THSD7B: variants seen among roughly 807,000 people sequenced by gnomAD.
THSD7B encodes thrombospondin type-1 domain-containing protein 7B.
THSD7B carries 138 observed loss-of-function variants against 213.6 expected under a neutral mutation model. The observed-to-expected ratio is 0.65, with a 90% confidence interval of 0.56 to 0.74. The LOEUF (loss-of-function observed/expected upper bound fraction) is 0.74, where lower values mean the gene tolerates loss of function less well. THSD7B is among the 30% of genes least tolerant of loss of function. THSD7B has a pLI of 0.00. For missense variants in THSD7B, 1,931 were observed against 1,991.5 expected, an observed-to-expected ratio of 0.97 and a Z score of 0.58; for synonymous variants, 742 against 687.0, an observed-to-expected ratio of 1.08 and a Z score of -1.25.
At chr2:137,163,618 A>G (rs1359693728) in intron 6 of THSD7B, among the ~76,000 whole-genome samples, 1 of 152,220 alleles carries the variant, frequency 6.6e-6, no homozygotes, top group Admixed American at 6.5e-5. Flanking sequence ...CAGAGGGAGC[A>G]TGTGGAGCAT....
intron 10 of THSD7B, among the ~76,000 whole-genome samples, chr2:137,262,666 CT>C (rs1682480006): frequency 6.6e-6 from 1 of 152,028 alleles, no homozygotes. Flanking sequence ...GCTAGTGTTC[CT>C]TTGTTTTCTA....
At chr2:137,406,140 T>A (rs1686511896) in intron 13 of THSD7B, among the ~76,000 whole-genome samples, 1 of 152,236 alleles carries the variant, frequency 6.6e-6, no homozygotes, top group Non-Finnish European at 1.5e-5. Context: ...CATGCCAGGA[T>A]CTCAGTGAGC....
At position 137,605,648 on chromosome 2, in the gene THSD7B, CTTTTTTTTTTTTTTTTTTT is replaced by C. The variant is rs34604281; in HGVS notation, c.3424-10506_3424-10488del. ...AAAAAGCATATATTGGCACTTCGCA[CTTTTTTTTTTTTTTTTTTT>C]TTTTTTTTTTTTTTTTTTTTGAGAC... On this transcript the variant is annotated intron_variant, in intron 17 of 27. Transcript: ENST00000409968. Among the ~76,000 whole-genome samples the C allele has an allele frequency of 4.8e-3, 329 of 69,010 alleles. 3 individuals carry two copies. Among genetic ancestry groups the C allele is most frequent in the African/African-American group, 0.014 (251 of 17,588 alleles). 45.3% of individuals were successfully genotyped at this position (69,010 alleles called of 152,430 possible).
chr2:137,458,579 TTGCTCAAATTTA>T (rs1687817406), intron 15 of THSD7B, among the ~76,000 whole-genome samples: 2 of 152,194 alleles, frequency 1.3e-5, no homozygotes, highest in African/African-American at 4.8e-5. Context: ...AGCGGAAAGC[TTGCTCAAATTTA>T]ATTTGTTTTC....
At chr2:137,160,466 G>A in intron 6 of THSD7B, 98 bp downstream of exon 6, 1 of 1,456,778 alleles carries the variant, frequency 6.9e-7, no homozygotes, top group Non-Finnish European at 9.2e-7. Context: ...GACAATATTT[G>A]TTTGTAAAAT....
intron 2 of THSD7B, among the ~76,000 whole-genome samples, chr2:137,004,955 T>C (rs1043512254): frequency 1.3e-5 from 2 of 152,220 alleles, no homozygotes; most frequent in African/African-American, 4.8e-5. Context: ...GAATATCATA[T>C]AAAGATATCA....
At chr2:136,873,808 A>T (rs1683483013) in intron 1 of THSD7B, among the ~76,000 whole-genome samples, 1 of 152,332 alleles carries the variant, frequency 6.6e-6, no homozygotes. Context: ...CCTAAGGGTT[A>T]TCAATGACTG....
chr2:137,112,896 GTAT>G (rs1688374426), intron 4 of THSD7B, among the ~76,000 whole-genome samples: 1 of 151,966 alleles, frequency 6.6e-6, no homozygotes, highest in South Asian at 2.1e-4. Context: ...TCAATGATTG[GTAT>G]TATTATCTCC....
chr2:136,983,502 G>GTT (rs35564943), intron 2 of THSD7B, among the ~76,000 whole-genome samples: 82 of 127,880 alleles, frequency 6.4e-4, no homozygotes, highest in South Asian at 1.1e-3. Context: ...AGTAAAATCT[G>GTT]TTTTTTTTTT....
chr2:136,875,394 C>T (rs1004331294), intron 1 of THSD7B, among the ~76,000 whole-genome samples: 4 of 152,184 alleles, frequency 2.6e-5, no homozygotes, highest in African/African-American at 9.7e-5. Flanking sequence ...TGCACTCCAG[C>T]CTGAGTGACA....
chr2:137,233,160 G>A (rs1163621239), intron 9 of THSD7B, 27 bp downstream of exon 9: 12 of 1,578,972 alleles, frequency 7.6e-6, no homozygotes, highest in Non-Finnish European at 8.6e-6. Context: ...TACTGAAAAT[G>A]CATTTGCTTA....
In THSD7B at chr2:137,554,228, C is replaced by T. The variant is rs116273179; in HGVS notation, c.3139-8993C>T. ...TTTCTCTAGAGAATTAAGTGAGGAG[C>T]GTTTAGCAACCTGTGTCCCTTCAAT... On this transcript the variant is annotated intron_variant, in intron 15 of 27. Transcript: ENST00000409968. Among the ~76,000 whole-genome samples, 1,066 of 152,182 alleles carry T rather than the reference C, an allele frequency of 7.0e-3. 13 individuals carry two copies. Among genetic ancestry groups the T allele is most frequent in the African/African-American group, 0.024 (1,014 of 41,530 alleles).
chr2:137,606,997 T>TCTGG (rs1363003664), intron 17 of THSD7B, among the ~76,000 whole-genome samples: 1 of 152,074 alleles, frequency 6.6e-6, no homozygotes, highest in Non-Finnish European at 1.5e-5. Context: ...ATGCTCCCAG[T>TCTGG]CTAGGGGCCT....
chr2:137,575,419 C>T (rs980908012), intron 17 of THSD7B, among the ~76,000 whole-genome samples: 2 of 151,860 alleles, frequency 1.3e-5, no homozygotes, highest in Non-Finnish European at 2.9e-5. Flanking sequence ...AAAATGTCAC[C>T]TCCATTACTG....
At chr2:137,373,913 A>G (rs1032085252) in intron 12 of THSD7B, among the ~76,000 whole-genome samples, 1 of 152,340 alleles carries the variant, frequency 6.6e-6, no homozygotes, top group South Asian at 2.1e-4. Flanking sequence ...AGCTTTCCAC[A>G]TATGGCTAGC....
chr2:137,199,997 C>T (rs1052447332), intron 7 of THSD7B, among the ~76,000 whole-genome samples: 3 of 152,120 alleles, frequency 2.0e-5, no homozygotes, highest in African/African-American at 7.2e-5. Flanking sequence ...TAGACTGTTG[C>T]AGAATCTTCA....
chr2:137,567,405 G>T (rs891448695), intron 16 of THSD7B, among the ~76,000 whole-genome samples: 1 of 152,018 alleles, frequency 6.6e-6, no homozygotes, highest in Non-Finnish European at 1.5e-5. Flanking sequence ...GTCCTCAAGT[G>T]ATCTGCCACC....
At chr2:137,569,306 A>G (rs1445969382) in intron 16 of THSD7B, among the ~76,000 whole-genome samples, 2 of 152,216 alleles carry the variant, frequency 1.3e-5, no homozygotes, top group Non-Finnish European at 2.9e-5. Context: ...ATACAGTTCC[A>G]TGGTTTAAGC....
At chr2:136,856,517 ATT>A (rs34017749) in intron 1 of THSD7B, among the ~76,000 whole-genome samples, 8 of 140,348 alleles carry the variant, frequency 5.7e-5, no homozygotes, top group Admixed American at 1.4e-4. Flanking sequence ...AATGAGCTGG[ATT>A]TTTTTTTTTT....
Sources: allele counts gnomAD v4.1 joint callset (sites outside exome capture counted in the v4.1 genomes callset), GRCh38; gene constraint gnomAD v4.1.1; transcripts MANE v1.5; gene names NCBI Gene and HGNC (gene_info 2026-07-23, HGNC 2026-07-21).